Variants in C12orf43 observed in about 807,000 individuals in gnomAD.
The protein encoded by C12orf43 is protein CUSTOS.
C12orf43 carries 15 observed loss-of-function variants against 20.6 expected under a neutral mutation model. That is an observed-to-expected ratio of 0.73 (90% confidence interval 0.49 to 1.12). The LOEUF is 1.12. C12orf43 is among the 50% of genes most tolerant of loss of function. C12orf43 has a pLI of 0.00. For synonymous variants in C12orf43, 144 were observed against 130.8 expected (o/e 1.10, Z -0.69); for missense variants, 334 against 344.4 (o/e 0.97, Z 0.24).
In C12orf43 at chr12:121,005,027, C is replaced by T. The variant is rs755288501; in HGVS notation, c.428G>A (p.Arg143Gln). Reference sequence around the variant, plus strand: ...CCTGGAGCTGGAGGGCTGTCGCTTTCGGCGGGGTTGGGGAGACTCTTCCTT... The same window carrying T: ...CCTGGAGCTGGAGGGCTGTCGCTTTTGGCGGGGTTGGGGAGACTCTTCCTT... ...REKEESPQPRRKRQPSSSSED... is the reference protein window; with the variant it reads ...REKEESPQPRQKRQPSSSSED... The change falls in exon 5 of 6, where the codon CGA (arginine) becomes CAA (glutamine). Residue 143 changes from arginine to glutamine, a missense_variant. Transcript: ENST00000288757. This position sits in a 1 kb window ranked among gnomAD's most constrained non-coding sequence, Gnocchi z 5.6. The T allele has an allele frequency of 6.5e-6, 10 of 1,533,418 alleles. No individual in the cohort carries two copies. Among genetic ancestry groups the T allele is most frequent in the South Asian group, 2.5e-5 (2 of 79,620 alleles). The allele number at this position is 1,533,418 out of a possible 1,614,324, so 95.0% of individuals were successfully genotyped here.
intron 3 of C12orf43, among the ~76,000 whole-genome samples, chr12:121,009,397 T>C (rs1187124428): frequency 6.6e-6 from 1 of 152,084 alleles, no homozygotes; most frequent in East Asian, 1.9e-4. Flanking sequence ...TGGAGGTTGT[T>C]GTGAGCCGAG....
rs573626921 is a variant in C12orf43 at position 121,001,515 on chromosome 12, G to C, written c.*2638C>G. ...ACTGAAGGGGGCGGCCTATGACTTG[G>C]GCACCCCCAGCCTGGGCCTATGGAG... is the stretch of plus-strand genomic sequence containing the variant. On this transcript the variant is annotated 3_prime_UTR_variant, in exon 6 of 6. Transcript: ENST00000288757. 1.3e-5 allele frequency: 6 copies of C among 454,594 alleles called. No homozygotes were observed. In the Admixed American group the frequency reaches 1.4e-4, roughly 10 times the overall value. 28.2% of individuals were successfully genotyped at this position (454,594 alleles called of 1,614,324 possible).
rs1387885727 is a variant in C12orf43 at position 121,005,380 on chromosome 12, C to T, written c.362-287G>A. Among the ~76,000 whole-genome samples, 4 of 152,228 alleles carry T rather than the reference C, an allele frequency of 2.6e-5. No individual in the cohort carries two copies. Among genetic ancestry groups the T allele is most frequent in the Middle Eastern group, 3.4e-3 (1 of 294 alleles). ...TCCTCCCAGGTGCCAGGTGCTGAAG[C>T]TGCCCCGCCTCTGCCCTCAGGAGCT... is the stretch of plus-strand genomic sequence containing the variant. On this transcript the variant is annotated intron_variant, in intron 4 of 5. Transcript: ENST00000288757. The surrounding 1 kb of genome is among the most constrained non-coding windows in gnomAD (Gnocchi z 5.6).
chr12:121,010,020 G>A (rs1412925616), intron 3 of C12orf43, among the ~76,000 whole-genome samples: 1 of 152,184 alleles, frequency 6.6e-6, no homozygotes, highest in African/African-American at 2.4e-5. Context: ...ACATGGGCTT[G>A]GCCCGGCACA....
chr12:121,006,576 T>C, intron 3 of C12orf43, 182 bp from the exon 4 acceptor site: 1 of 592,882 alleles, frequency 1.7e-6, no homozygotes, highest in Admixed American at 2.9e-5. Flanking sequence ...CCACGCGAAC[T>C]GCAGTGCTTC....
rs1010565997 is a variant in C12orf43, at chr12:121,005,789, A to G, written c.361+532T>C. ...AATACCTGCCTCACCACAGGGGCTG[A>G]GCAGATGAAAGAATGGTGAGGTGGC... On this transcript the variant is annotated intron_variant, in intron 4 of 5. Transcript: ENST00000288757. The surrounding 1 kb of genome is among the most constrained non-coding windows in gnomAD (Gnocchi z 5.6). 4 of 156,518 alleles carry G rather than the reference A, an allele frequency of 2.6e-5. No homozygotes were observed. The highest frequency in any genetic ancestry group is 1.3e-4 in the Admixed American group (2 of 15,982). The allele number at this position is 156,518 out of a possible 1,614,324, so 9.7% of individuals were successfully genotyped here. A position where few individuals can be genotyped will look rare whatever the true frequency, so the allele number is the denominator to read the frequency against.
chr12:121,008,188 G>A (rs1447794851), intron 3 of C12orf43, among the ~76,000 whole-genome samples: 1 of 151,648 alleles, frequency 6.6e-6, no homozygotes, highest in African/African-American at 2.4e-5. Context: ...AGGCTGGAGT[G>A]CAGTGGCACG....
rs1868905232 is a variant in C12orf43, at chr12:121,016,278, C to T, written c.145+52G>A. 4 of 1,610,524 alleles carry T rather than the reference C, an allele frequency of 2.5e-6. No individual in the cohort carries two copies. In the East Asian group the frequency reaches 8.9e-5, roughly 36 times the overall value. ...CCTCACCATCCATCCTCTCAGGCTC[C>T]AGGGGAAGATCCCACGCCCCTCAGC... On this transcript the variant is annotated intron_variant, in intron 1 of 5. Coordinates refer to ENST00000288757, the MANE Select transcript of C12orf43 (RefSeq NM_022895.3).
chr12:121,014,490 C>T lies in C12orf43; in HGVS notation c.145+1840G>A, dbSNP rs775018956. ...CTAAAAATACAAAAAATTAGCTGGG[C>T]GTGGTGGCAGGCGCCTGTAATCCCA... is the stretch of plus-strand genomic sequence containing the variant. On this transcript the variant is annotated intron_variant, in intron 1 of 5. Transcript: ENST00000288757. 5.5e-4 allele frequency among the ~76,000 whole-genome samples: 83 copies of T among 151,446 alleles called. No individual in the cohort carries two copies. In the Middle Eastern group the frequency reaches 0.01, roughly 19 times the overall value.
rs879533314 is a variant in C12orf43 at position 121,004,672 on chromosome 12, T to C, written c.453-183A>G. 6.6e-6 allele frequency among the ~76,000 whole-genome samples: 1 copy of C among 152,194 alleles called. No individual in the cohort carries two copies. The highest frequency in any genetic ancestry group is 6.5e-5 in the Admixed American group (1 of 15,282). The stretch of plus-strand genomic sequence containing the variant: ...ATACTGGCTTCTGGGCGTAGCAGCC[T>C]TGTGACCTCCTTAAGTGACTTAACC... On this transcript the variant is annotated intron_variant, in intron 5 of 5. Coordinates refer to ENST00000288757, the MANE Select transcript of C12orf43 (RefSeq NM_022895.3). The surrounding 1 kb of genome is among the most constrained non-coding windows in gnomAD (Gnocchi z 5.6).
chr12:121,016,187 C>T, intron 1 of C12orf43, 143 bp downstream of exon 1: 3 of 1,281,192 alleles, frequency 2.3e-6, no homozygotes, highest in Non-Finnish European at 3.3e-6. Context: ...CCCATGCTTT[C>T]AATCTGCACT....
rs184491398 is a variant in C12orf43, at chr12:121,011,592, C to T, written c.146-446G>A. Among the ~76,000 whole-genome samples, 296 of 152,168 alleles carry T rather than the reference C, an allele frequency of 1.9e-3. 1 individual carries two copies. Among genetic ancestry groups the T allele is most frequent in the African/African-American group, 6.7e-3 (277 of 41,520 alleles). On this transcript the variant is annotated intron_variant, in intron 1 of 5. Coordinates refer to ENST00000288757, the MANE Select transcript of C12orf43 (RefSeq NM_022895.3). ...CCGATTGGAGGGATTACAATTATCC[C>T]ATTTTGCAGAAGAAACGTCAAAGAT...
rs10636003 is a variant in C12orf43 at position 121,012,849 on chromosome 12, T to TAAAAAAAAAAAA, written c.146-1715_146-1704dup. ...CCTGGTGACAGAGCAAGACTCCGTC[T>TAAAAAAAAAAAA]AAAAAAAAAAAAAAAAAAAAAAAAA... On this transcript the variant is annotated intron_variant, in intron 1 of 5. Transcript: ENST00000288757. Among the ~76,000 whole-genome samples the TAAAAAAAAAAAA allele has an allele frequency of 8.8e-4, 81 of 91,982 alleles. 2 individuals carry two copies. The highest frequency in any genetic ancestry group is 1.5e-3 in the Non-Finnish European group (69 of 46,976). The allele number at this position is 91,982 out of a possible 152,430, so 60.3% of individuals were successfully genotyped here.
chr12:121,011,639 G>C (rs1878479993), intron 1 of C12orf43, among the ~76,000 whole-genome samples: 1 of 152,172 alleles, frequency 6.6e-6, no homozygotes, highest in South Asian at 2.1e-4. Context: ...CTTGGCCAGA[G>C]TCAAATACCT....
Position 121,005,147 on chromosome 12 carries a change from A to G in C12orf43, c.362-54T>C. 2.2e-6 allele frequency: 2 copies of G among 904,576 alleles called. No individual in the cohort carries two copies. The highest frequency in any genetic ancestry group is 3.0e-6 in the Non-Finnish European group (2 of 671,482). The allele number at this position is 904,576 out of a possible 1,614,324, so 56.0% of individuals were successfully genotyped here. A position where few individuals can be genotyped will look rare whatever the true frequency, so the allele number is the denominator to read the frequency against. On this transcript the variant is annotated intron_variant, in intron 4 of 5. Transcript: ENST00000288757. This position sits in a 1 kb window ranked among gnomAD's most constrained non-coding sequence, Gnocchi z 5.6. Reference sequence around the variant, plus strand: ...AAAACAAAACAAAACAAAAAGAAACATAAAAAAATAAAAAATAAAGAAACA... The same window carrying G: ...AAAACAAAACAAAACAAAAAGAAACGTAAAAAAATAAAAAATAAAGAAACA...
In C12orf43 at chr12:121,001,830, G is replaced by A; in HGVS notation, c.*2323C>T. 1.9e-6 allele frequency: 1 copy of A among 533,268 alleles called. No homozygotes were observed. The highest frequency in any genetic ancestry group is 3.6e-6 in the Non-Finnish European group (1 of 274,658). The allele number at this position is 533,268 out of a possible 1,614,324, so 33.0% of individuals were successfully genotyped here. On this transcript the variant is annotated 3_prime_UTR_variant, in exon 6 of 6. Coordinates refer to ENST00000288757, the MANE Select transcript of C12orf43 (RefSeq NM_022895.3). Reference sequence around the variant, plus strand: ...AGGGAGGCCGAAGCTAACAGGGAAGGCAGGCAGGGCTCTCCTGGCTTCCCA... The same window carrying A: ...AGGGAGGCCGAAGCTAACAGGGAAGACAGGCAGGGCTCTCCTGGCTTCCCA...
chr12:121,004,432 G>T lies in C12orf43; in HGVS notation c.510C>A (p.Asp170Glu), dbSNP rs757676895. ...RCREAAVSAS[D>E]ILQESAIHSP... Reference sequence around the variant, plus strand: ...TGTGGATGGCTGACTCCTGTAGGATGTCGGACGCCGACACAGCTGCCTCCC... The same window carrying T: ...TGTGGATGGCTGACTCCTGTAGGATTTCGGACGCCGACACAGCTGCCTCCC... Residue 170 changes from aspartate to glutamate, a missense_variant, in exon 6 of 6, where the codon GAC (aspartate) becomes GAA (glutamate). Coordinates refer to ENST00000288757, the MANE Select transcript of C12orf43 (RefSeq NM_022895.3). This position sits in a 1 kb window ranked among gnomAD's most constrained non-coding sequence, Gnocchi z 5.6. 1 of 1,613,272 alleles carries T rather than the reference G, an allele frequency of 6.2e-7. No individual in the cohort carries two copies. The highest frequency in any genetic ancestry group is 1.3e-5 in the African/African-American group (1 of 75,026).
Position 121,001,863 on chromosome 12 carries a change from C to T in C12orf43, c.*2290G>A, listed in dbSNP as rs1279252067. The stretch of plus-strand genomic sequence containing the variant: ...GGCTCTCCTGGCTTCCCATCCCCAG[C>T]GATTCCCTCTCCCAGGCCCCATGAC... On this transcript the variant is annotated 3_prime_UTR_variant, in exon 6 of 6. Coordinates refer to ENST00000288757, the MANE Select transcript of C12orf43 (RefSeq NM_022895.3). The T allele has an allele frequency of 1.5e-5, 8 of 520,750 alleles. No individual in the cohort carries two copies. Among genetic ancestry groups the T allele is most frequent in the East Asian group, 7.8e-5 (2 of 25,634 alleles). 32.3% of individuals were successfully genotyped at this position (520,750 alleles called of 1,614,324 possible).
chr12:121,012,849 T>TAAAAAAAAAAAAAAAAAAAA (rs10636003), intron 1 of C12orf43, among the ~76,000 whole-genome samples: 13 of 91,984 alleles, frequency 1.4e-4, no homozygotes, highest in African/African-American at 4.6e-4. Flanking sequence ...AGACTCCGTC[T>TAAAAAAAAAAAAAAAAAAAA]AAAAAAAAAA....
Sources: gnomAD v4.1 joint callset for allele counts (sites outside exome capture counted in the v4.1 genomes callset) on GRCh38, gnomAD v4.1.1 for gene constraint, Gnocchi (gnomAD v3.1) non-coding constraint, MANE v1.5 for transcripts, NCBI Gene and HGNC (gene_info 2026-07-23, HGNC 2026-07-21) for gene names.